The following FYTTD1 variants were observed in gnomAD, a reference collection of about 807,000 sequenced individuals.
FYTTD1 encodes the protein UAP56-interacting factor.
FYTTD1 carries 22 observed loss-of-function variants against 40.9 expected under a neutral mutation model. That is an observed-to-expected ratio of 0.54 (90% CI 0.38 to 0.77). The LOEUF is 0.77. Among genes scored for constraint, FYTTD1 ranks in the 30% least tolerant of loss-of-function variants. The pLI is 0.00. For missense variants in FYTTD1, 351 were observed against 392.2 expected, an observed-to-expected ratio of 0.90 and a Z score of 0.89; for synonymous variants, 140 against 137.9, an observed-to-expected ratio of 1.01 and a Z score of -0.10.
At chr3:197,768,391 A>G in intron 2 of FYTTD1, 48 bp from the exon 3 acceptor site, 1 of 1,416,276 alleles carries the variant, frequency 7.1e-7, no homozygotes, top group Non-Finnish European at 9.7e-7. Context: ...TGACCGTCCC[A>G]ATTGAATTGT....
intron 4 of FYTTD1, among the ~76,000 whole-genome samples, chr3:197,772,988 AC>A (rs1165559690): frequency 6.6e-6 from 1 of 151,908 alleles, no homozygotes; most frequent in Non-Finnish European, 1.5e-5. Flanking sequence ...TATTTTTCAA[AC>A]CTTTCTCTTT....
chr3:197,774,553 C>G, intron 6 of FYTTD1, among the ~76,000 whole-genome samples: 1 of 150,920 alleles, frequency 6.6e-6, no homozygotes, highest in Admixed American at 6.6e-5. Context: ...CAGCATAGCT[C>G]GATGACCAGT....
At chr3:197,752,746 CTA>C (rs111741655) in intron 1 of FYTTD1, among the ~76,000 whole-genome samples, 1 of 151,914 alleles carries the variant, frequency 6.6e-6, no homozygotes, top group Non-Finnish European at 1.5e-5. Flanking sequence ...TATACATACA[CTA>C]TATATATGTG....
intron 1 of FYTTD1, among the ~76,000 whole-genome samples, chr3:197,753,528 A>T (rs560677248): frequency 6.3e-4 from 91 of 144,322 alleles, no homozygotes; most frequent in Middle Eastern, 7.3e-3. Flanking sequence ...ATTGTAAGGA[A>T]TTTTTTTTTT....
rs1730128288 is a variant in FYTTD1 at position 197,785,216 on chromosome 3, A to G, written c.*3307A>G. The G allele has an allele frequency of 1.3e-5, 2 of 152,188 alleles. No homozygotes were observed. The highest frequency in any genetic ancestry group is 4.1e-4 in the South Asian group (2 of 4,832). 9.4% of individuals were successfully genotyped at this position (152,188 alleles called of 1,614,324 possible). ...AAAACAGGCATAAACTCTTCACCAC[A>G]ATTTTAATTACAGTCATCCCTCAGT... On this transcript the variant is annotated 3_prime_UTR_variant, in exon 9 of 9. Transcript: ENST00000241502.
At chr3:197,765,429 A>T (rs181202558) in intron 2 of FYTTD1, among the ~76,000 whole-genome samples, 1 of 152,186 alleles carries the variant, frequency 6.6e-6, no homozygotes, top group Non-Finnish European at 1.5e-5. Flanking sequence ...TAGCTGTTAC[A>T]TTATTTAACA....
At chr3:197,769,414 C>A (rs1729645711) in intron 3 of FYTTD1, among the ~76,000 whole-genome samples, 1 of 152,142 alleles carries the variant, frequency 6.6e-6, no homozygotes, top group South Asian at 2.1e-4. Context: ...GTGATTTAGT[C>A]AATGGATATT....
chr3:197,778,271 G>A, intron 7 of FYTTD1, 67 bp from the exon 8 acceptor site: 2 of 1,282,246 alleles, frequency 1.6e-6, no homozygotes, highest in Non-Finnish European at 2.2e-6. Flanking sequence ...GATGTCTTAA[G>A]TACCAAGTGA....
chr3:197,753,765 A>T (rs1729133553), intron 1 of FYTTD1, among the ~76,000 whole-genome samples: 1 of 151,716 alleles, frequency 6.6e-6, no homozygotes, highest in Non-Finnish European at 1.5e-5. Flanking sequence ...TTATTTATTT[A>T]TTTATTTTGA....
intron 7 of FYTTD1, among the ~76,000 whole-genome samples, chr3:197,777,600 A>C (rs552458949): frequency 6.6e-6 from 1 of 152,278 alleles, no homozygotes; most frequent in East Asian, 1.9e-4. Context: ...TACTTCTCCT[A>C]ATCCCTGTAA....
intron 2 of FYTTD1, among the ~76,000 whole-genome samples, chr3:197,762,470 TC>T (rs1208281192): frequency 6.6e-6 from 1 of 151,926 alleles, no homozygotes; most frequent in African/African-American, 2.4e-5. Flanking sequence ...GCACCTGTAG[TC>T]CCAGCTACTC....
At chr3:197,780,485 G>C (rs1729999796) in intron 8 of FYTTD1, among the ~76,000 whole-genome samples, 1 of 152,034 alleles carries the variant, frequency 6.6e-6, no homozygotes, top group Admixed American at 6.6e-5. Flanking sequence ...TGCATGCCTT[G>C]TTCCAAAGCC....
rs1334416960 is a variant in FYTTD1, at chr3:197,786,059, T to C, written c.*4150T>C. On this transcript the variant is annotated 3_prime_UTR_variant, in exon 9 of 9. Transcript: ENST00000241502. ...TAGAAATTGTAGACTTCTAATATCTTTTATTTCCCTTCTCACCACAGTTTA... is the reference window on the plus strand; with the variant it reads ...TAGAAATTGTAGACTTCTAATATCTCTTATTTCCCTTCTCACCACAGTTTA... 1 of 151,794 alleles carries C rather than the reference T, an allele frequency of 6.6e-6. No homozygotes were observed. The allele number at this position is 151,794 out of a possible 1,614,324, so 9.4% of individuals were successfully genotyped here.
intron 8 of FYTTD1, among the ~76,000 whole-genome samples, chr3:197,780,014 T>C (rs1415259118): frequency 1.9e-4 from 19 of 101,462 alleles, no homozygotes; most frequent in African/African-American, 5.7e-4. Context: ...AGGCACACAC[T>C]GCCACACCTG....
intron 2 of FYTTD1, among the ~76,000 whole-genome samples, chr3:197,762,103 C>G (rs1324706536): frequency 1.3e-5 from 2 of 152,130 alleles, no homozygotes; most frequent in African/African-American, 4.8e-5. Context: ...GACTTTACCT[C>G]CCAAAGCCCT....
intron 2 of FYTTD1, chr3:197,763,374 A>T (rs370632808): frequency 3.3e-6 from 1 of 304,450 alleles, no homozygotes; most frequent in Non-Finnish European, 6.4e-6. Context: ...AGATCGCACC[A>T]TTGCACTCCA....
chr3:197,779,548 T>TTG (rs1553910246), intron 8 of FYTTD1, among the ~76,000 whole-genome samples: 4 of 150,046 alleles, frequency 2.7e-5, no homozygotes, highest in East Asian at 1.9e-4. Context: ...TTTTTTTTTT[T>TTG]GTGAAACAGT....
At chr3:197,779,727 A>C (rs966273795) in intron 8 of FYTTD1, among the ~76,000 whole-genome samples, 42 of 143,204 alleles carry the variant, frequency 2.9e-4, no homozygotes, top group African/African-American at 1.0e-3. Context: ...ACCACACCTG[A>C]GGATACAGGC....
In FYTTD1 at chr3:197,759,587, G is replaced by A. The variant is rs571921124; in HGVS notation, c.235+3030G>A. ...ATAGAGTGTTCTTCAGTGGTAGAGC[G>A]TATAGAGTTGTTCTTCAGTGGTAGA... On this transcript the variant is annotated intron_variant, in intron 2 of 8. Coordinates refer to ENST00000241502, the MANE Select transcript of FYTTD1 (RefSeq NM_032288.7). Among the ~76,000 whole-genome samples the A allele has an allele frequency of 2.6e-3, 388 of 150,162 alleles. 1 individual carries two copies. Among genetic ancestry groups the A allele is most frequent in the African/African-American group, 8.6e-3 (352 of 40,706 alleles).
Sources: allele counts gnomAD v4.1 joint callset (sites outside exome capture counted in the v4.1 genomes callset), GRCh38; gene constraint gnomAD v4.1.1; transcripts MANE v1.5; gene names NCBI Gene and HGNC (gene_info 2026-07-23, HGNC 2026-07-21).